LMCD1: variants seen among roughly 807,000 people sequenced by gnomAD.
LMCD1 encodes the protein LIM and cysteine rich domains 1, also known as LIM and cysteine-rich domains protein 1.
In LMCD1, 32 loss-of-function variants were observed where a neutral mutation model predicts 42.7. That is an observed-to-expected ratio of 0.75 (90% confidence interval 0.57 to 1.01). The LOEUF (loss-of-function observed/expected upper bound fraction) is 1.01, where lower values mean the gene tolerates loss of function less well. Among genes scored for constraint, LMCD1 ranks in the 50% least tolerant of loss-of-function variants. The probability of loss-of-function intolerance (pLI) is 0.00; values close to 1 mark genes in which losing one functional copy is unlikely to be tolerated. For missense variants in LMCD1, 458 were observed against 483.1 expected, an observed-to-expected ratio of 0.95 and a Z score of 0.49; for synonymous variants, 178 against 184.9, an observed-to-expected ratio of 0.96 and a Z score of 0.30.
intron 1 of LMCD1, among the ~76,000 whole-genome samples, chr3:8,512,832 G>T (rs1694027249): frequency 6.6e-6 from 1 of 152,240 alleles, no homozygotes; most frequent in Non-Finnish European, 1.5e-5. Context: ...TTCTTTAACA[G>T]ATGAGGAAAC....
intron 3 of LMCD1, among the ~76,000 whole-genome samples, chr3:8,543,670 A>T (rs1694679822): frequency 6.6e-6 from 1 of 152,056 alleles, no homozygotes; most frequent in African/African-American, 2.4e-5. Context: ...TTTTGTAGAG[A>T]TGAGGTCTCT....
intron 2 of LMCD1, among the ~76,000 whole-genome samples, chr3:8,534,168 T>C (rs1694466202): frequency 6.6e-6 from 1 of 151,988 alleles, no homozygotes; most frequent in African/African-American, 2.4e-5. Flanking sequence ...CGTCTCCTTT[T>C]ATATTTCTTG....
In LMCD1 at chr3:8,501,890, C is replaced by G. The variant is rs771744784; in HGVS notation, c.-49C>G. The G allele has an allele frequency of 1.3e-6, 2 of 1,555,620 alleles. No homozygotes were observed. The highest frequency in any genetic ancestry group is 1.9e-5 in the Admixed American group (1 of 52,466). On this transcript the variant is annotated 5_prime_UTR_variant, in exon 1 of 6. Coordinates refer to ENST00000157600, the MANE Select transcript of LMCD1 (RefSeq NM_014583.4). Reference sequence around the variant, plus strand: ...CGCCGCTGTCCCCGCTGCGCGCCCTCGCGCCTCTGCCTGAGAAGCCAGGCG... The same window carrying G: ...CGCCGCTGTCCCCGCTGCGCGCCCTGGCGCCTCTGCCTGAGAAGCCAGGCG...
chr3:8,530,247 A>G lies in LMCD1; in HGVS notation c.43-2490A>G, dbSNP rs576604275. On this transcript the variant is annotated intron_variant, in intron 1 of 5. Coordinates refer to ENST00000157600, the MANE Select transcript of LMCD1 (RefSeq NM_014583.4). ...ACCAAGTGAGGATCCTGCAGAACAG[A>G]ATGTGGGCAACCCCAGTGCAAGCCA... Among the ~76,000 whole-genome samples, 9 of 152,320 alleles carry G rather than the reference A, an allele frequency of 5.9e-5. No individual in the cohort carries two copies. In the South Asian group the frequency reaches 1.9e-3, roughly 32 times the overall value.
At chr3:8,554,157 G>A (rs1372727657) in intron 4 of LMCD1, among the ~76,000 whole-genome samples, 1 of 152,068 alleles carries the variant, frequency 6.6e-6, no homozygotes, top group African/African-American at 2.4e-5. Context: ...CCATCCTCCC[G>A]CCTCAACCTC....
chr3:8,560,560 A>C (rs1362635432), intron 4 of LMCD1, among the ~76,000 whole-genome samples: 3 of 152,214 alleles, frequency 2.0e-5, no homozygotes, highest in Admixed American at 6.5e-5. Context: ...ACTGACACGA[A>C]GTCCCTTTTG....
intron 1 of LMCD1, among the ~76,000 whole-genome samples, chr3:8,524,852 T>C (rs1694270358): frequency 6.6e-6 from 1 of 151,952 alleles, no homozygotes; most frequent in Admixed American, 6.6e-5. Context: ...ACCCAGCTAA[T>C]TTTTTAGTTT....
At chr3:8,567,032 A>G (rs958765118) in intron 5 of LMCD1, among the ~76,000 whole-genome samples, 3 of 152,186 alleles carry the variant, frequency 2.0e-5, no homozygotes, top group East Asian at 3.9e-4. Context: ...TGTCTATTCC[A>G]AGTGTCACTT....
At position 8,567,718 on chromosome 3, in the gene LMCD1, T is replaced by C. The variant is rs1479916128; in HGVS notation, c.*120T>C. ...GCAAGTGAAATAAACAATGATTTGC[T>C]TTTCAGTGAGAATATATATATGAGA... is the stretch of plus-strand genomic sequence containing the variant. On this transcript the variant is annotated 3_prime_UTR_variant, in exon 6 of 6. Coordinates refer to ENST00000157600, the MANE Select transcript of LMCD1 (RefSeq NM_014583.4). 1 of 985,958 alleles carries C rather than the reference T, an allele frequency of 1.0e-6. No homozygotes were observed. Among genetic ancestry groups the C allele is most frequent in the Non-Finnish European group, 1.5e-6 (1 of 664,402 alleles). The allele number at this position is 985,958 out of a possible 1,614,324, so 61.1% of individuals were successfully genotyped here.
At chr3:8,502,295 A>ATAATATATATTATATATT (rs1693743799) in intron 1 of LMCD1, among the ~76,000 whole-genome samples, 1 of 42,518 alleles carries the variant, frequency 2.4e-5, no homozygotes, top group African/African-American at 9.9e-5. Flanking sequence ...TATAATATAT[A>ATAATATATATTATATATT]TTATATATAA....
At chr3:8,539,076 C>G (rs1467673749) in intron 3 of LMCD1, among the ~76,000 whole-genome samples, 1 of 152,220 alleles carries the variant, frequency 6.6e-6, no homozygotes, top group Non-Finnish European at 1.5e-5. Flanking sequence ...TGGTAAGACT[C>G]ACACTGAAAT....
intron 2 of LMCD1, among the ~76,000 whole-genome samples, chr3:8,536,102 ACTGTAGGAGGGAAAAGGAGGGTTCCC>A (rs1422848520): frequency 6.6e-6 from 1 of 152,124 alleles, no homozygotes; most frequent in African/African-American, 2.4e-5. Context: ...TTACCTCCTG[ACTGTAGGAGGGAAAAGGAGGGTTCCC>A]TCAGCCTTGC....
At chr3:8,514,121 A>G (rs1424442606) in intron 1 of LMCD1, among the ~76,000 whole-genome samples, 1 of 152,204 alleles carries the variant, frequency 6.6e-6, no homozygotes, top group Non-Finnish European at 1.5e-5. Flanking sequence ...ACATACATAC[A>G]TACATAGAGA....
At chr3:8,562,125 C>G (rs549838358) in intron 4 of LMCD1, among the ~76,000 whole-genome samples, 1 of 152,272 alleles carries the variant, frequency 6.6e-6, no homozygotes, top group East Asian at 1.9e-4. Flanking sequence ...CCACAAAGCC[C>G]CAATCCTAAC....
chr3:8,520,213 G>C (rs1694177515), intron 1 of LMCD1, among the ~76,000 whole-genome samples: 1 of 151,958 alleles, frequency 6.6e-6, no homozygotes, highest in Non-Finnish European at 1.5e-5. Flanking sequence ...TTGGAATTCA[G>C]ACACATGCAT....
chr3:8,510,539 T>G lies in LMCD1; in HGVS notation c.42+8559T>G, dbSNP rs149920323. Among the ~76,000 whole-genome samples, 13 of 152,340 alleles carry G rather than the reference T, an allele frequency of 8.5e-5. No homozygotes were observed. In the East Asian group the frequency reaches 2.5e-3, roughly 29 times the overall value. Reference sequence around the variant, plus strand: ...TTATCCCTAACCTATAACTGAAATTTAGCATTTCTTTCTACTGTGAATAAA... The same window carrying G: ...TTATCCCTAACCTATAACTGAAATTGAGCATTTCTTTCTACTGTGAATAAA... On this transcript the variant is annotated intron_variant, in intron 1 of 5. Coordinates refer to ENST00000157600, the MANE Select transcript of LMCD1 (RefSeq NM_014583.4).
chr3:8,562,474 G>T (rs987647674), intron 4 of LMCD1, among the ~76,000 whole-genome samples: 1 of 152,150 alleles, frequency 6.6e-6, no homozygotes, highest in Non-Finnish European at 1.5e-5. Flanking sequence ...TTGAATCCCA[G>T]CTCTGTTTCT....
intron 4 of LMCD1, chr3:8,551,191 C>A (rs1175730387): frequency 1.0e-6 from 1 of 985,178 alleles, no homozygotes; most frequent in African/African-American, 1.7e-5. Flanking sequence ...TGTCTGTCAC[C>A]GTCTGTAGAT....
rs1465441923 is a variant in LMCD1, at chr3:8,501,928, C to T, written c.-11C>T. 6.3e-7 allele frequency: 1 copy of T among 1,589,938 alleles called. No homozygotes were observed. Among genetic ancestry groups the T allele is most frequent in the Non-Finnish European group, 8.6e-7 (1 of 1,169,560 alleles). On this transcript the variant is annotated 5_prime_UTR_variant, in exon 1 of 6. Transcript: ENST00000157600. ...GAGAAGCCAGGCGCTGTTCCCCCAC[C>T]CCAGAAGAGGATGGCAAAGGTGGCT...
Sources: gnomAD v4.1 joint callset for allele counts (sites outside exome capture counted in the v4.1 genomes callset) on GRCh38, gnomAD v4.1.1 for gene constraint, MANE v1.5 for transcripts, NCBI Gene and HGNC (gene_info 2026-07-23, HGNC 2026-07-21) for gene names.